DMPK: variants seen among roughly 807,000 people sequenced by gnomAD.
DMPK encodes myotonin-protein kinase.
Under a neutral mutation model 70.3 loss-of-function variants are expected in DMPK, and 32 were observed. That is an observed-to-expected ratio of 0.46 (90% confidence interval 0.34 to 0.61). The LOEUF (loss-of-function observed/expected upper bound fraction) is 0.61, where lower values mean the gene tolerates loss of function less well. Among genes scored for constraint, DMPK ranks in the 20% least tolerant of loss-of-function variants. The pLI is 0.01. For synonymous variants in DMPK, 469 were observed against 390.9 expected (o/e 1.20, Z -2.36); for missense variants, 899 against 886.0 (o/e 1.01, Z -0.19).
chr19:45,772,608 C>A, intron 10 of DMPK, 33 bp downstream of exon 10: 4 of 1,438,976 alleles, frequency 2.8e-6, no homozygotes, highest in Non-Finnish European at 3.8e-6. Context: ...TCCCAATTGT[C>A]CCTGACGGAC....
chr19:45,777,701 G>T lies in DMPK; in HGVS notation c.848C>A (p.Thr283Lys), dbSNP rs774774759. ...GACGATCTTGCCATAGGTCTCCGCC[G>T]TGGAATCCGCGTAGAAGGGCGTCTG... The part of the protein sequence containing the change: ...YGQTPFYADS[T>K]AETYGKIVHY... The change falls in exon 7 of 15, where the codon ACG becomes AAG. Residue 283 changes from threonine (T) to lysine (K), a missense_variant. Transcript: ENST00000291270. The surrounding 1 kb of genome is among the most constrained non-coding windows in gnomAD (Gnocchi z 6.7). 55 of 1,614,022 alleles carry T rather than the reference G, an allele frequency of 3.4e-5. No homozygotes were observed. Among genetic ancestry groups the T allele is most frequent in the Non-Finnish European group, 4.5e-5 (53 of 1,180,030 alleles).
At chr19:45,780,388 G>T in intron 1 of DMPK, 1 of 1,454,094 alleles carries the variant, frequency 6.9e-7, no homozygotes, top group Non-Finnish European at 9.2e-7. Flanking sequence ...GGGGCTGGGG[G>T]AAGGAACAGG....
Position 45,782,176 on chromosome 19 carries a change from C to A in DMPK, c.160+17G>T. 1 of 1,484,718 alleles carries A rather than the reference C, an allele frequency of 6.7e-7. No individual in the cohort carries two copies. The highest frequency in any genetic ancestry group is 9.0e-7 in the Non-Finnish European group (1 of 1,112,132). The allele number at this position is 1,484,718 out of a possible 1,614,324, so 92.0% of individuals were successfully genotyped here. A position where few individuals can be genotyped will look rare whatever the true frequency, so the allele number is the denominator to read the frequency against. On this transcript the variant is annotated intron_variant, in intron 1 of 14. Coordinates refer to ENST00000291270, the MANE Select transcript of DMPK (RefSeq NM_004409.5). ...ACCCCCACCCCATCTGCAGGAGCCC[C>A]GAGGGTAGGCACTCACCCCACTGCA... is the stretch of plus-strand genomic sequence containing the variant.
chr19:45,773,284 G>A (rs1306348369), intron 9 of DMPK, among the ~76,000 whole-genome samples: 3 of 152,200 alleles, frequency 2.0e-5, no homozygotes, highest in South Asian at 2.1e-4. Context: ...GTGGGAACAC[G>A]GCTCAGGACC....
Position 45,778,412 on chromosome 19 carries a change from C to G in DMPK, c.581+81G>C, listed in dbSNP as rs1377276842. 2.6e-6 allele frequency: 4 copies of G among 1,550,008 alleles called. No homozygotes were observed. In the Admixed American group the frequency reaches 7.0e-5, roughly 27 times the overall value. On this transcript the variant is annotated intron_variant, in intron 5 of 14. Coordinates refer to ENST00000291270, the MANE Select transcript of DMPK (RefSeq NM_004409.5). ...CCAACCAAGAAGGTCCCTCTCCAGGCCCTGGCCTCTCTGGGCTCTGACCTT... is the reference window on the plus strand; with the variant it reads ...CCAACCAAGAAGGTCCCTCTCCAGGGCCTGGCCTCTCTGGGCTCTGACCTT...
Position 45,780,110 on chromosome 19 carries a change from G to C in DMPK, c.161-241C>G, listed in dbSNP as rs928454948. ...TTGCGGGACAGGGCATTGGCCCAGA[G>C]GGCTCCAAGGGTGTGCAGGATGGTT... On this transcript the variant is annotated intron_variant, in intron 1 of 14. Transcript: ENST00000291270. 5.5e-6 allele frequency: 8 copies of C among 1,461,962 alleles called. No homozygotes were observed. In the Admixed American group the frequency reaches 2.0e-4, roughly 36 times the overall value. The allele number at this position is 1,461,962 out of a possible 1,614,324, so 90.6% of individuals were successfully genotyped here. A position where few individuals can be genotyped will look rare whatever the true frequency, so the allele number is the denominator to read the frequency against.
At position 45,777,966 on chromosome 19, in the gene DMPK, C is replaced by T; in HGVS notation, c.676-93G>A. On this transcript the variant is annotated intron_variant, in intron 6 of 14. Transcript: ENST00000291270. The surrounding 1 kb of genome is among the most constrained non-coding windows in gnomAD (Gnocchi z 6.7). ...TCCAACCACTCCCCAAATGCTTAGC[C>T]CCTCCCTCTGCCTGGTCTAATACTC... is the stretch of plus-strand genomic sequence containing the variant. 1.5e-6 allele frequency: 2 copies of T among 1,329,866 alleles called. No homozygotes were observed. The highest frequency in any genetic ancestry group is 2.1e-6 in the Non-Finnish European group (2 of 959,758). 82.4% of individuals were successfully genotyped at this position (1,329,866 alleles called of 1,614,324 possible).
In DMPK at chr19:45,771,570, GT is replaced by G. The variant is rs1969448304; in HGVS notation, c.1597del (p.Thr533GlnfsTer18). 6.2e-7 allele frequency: 1 copy of G among 1,614,008 alleles called. No homozygotes were observed. The highest frequency in any genetic ancestry group is 8.5e-7 in the Non-Finnish European group (1 of 1,179,968). ...AAGGGGACACATGAGGGACTCACCT[GT>G]GGCTCCCTCTGCCTGCAGCAACTCC... The part of the protein sequence containing the change: ...RMELLQAEGA[T>X]AVTGVPSPRA... On this transcript the variant is annotated frameshift_variant, in exon 12 of 15. Transcript: ENST00000291270. LOFTEE classifies it high-confidence loss of function.
In DMPK at chr19:45,770,388, G is replaced by C. The variant is rs1259652861; in HGVS notation, c.*100C>G. ...GGAGCTGGGCGGAGACCCACGCTCG[G>C]AGCGGTTGTGAACTGGCAGGCGGTG... On this transcript the variant is annotated 3_prime_UTR_variant, in exon 15 of 15. Transcript: ENST00000291270. The C allele has an allele frequency of 2.1e-6, 3 of 1,424,720 alleles. No homozygotes were observed. The highest frequency in any genetic ancestry group is 2.9e-6 in the Non-Finnish European group (3 of 1,035,606). 88.3% of individuals were successfully genotyped at this position (1,424,720 alleles called of 1,614,324 possible). A position where few individuals can be genotyped will look rare whatever the true frequency, so the allele number is the denominator to read the frequency against.
Position 45,779,530 on chromosome 19 carries a change from C to G in DMPK, c.253-8G>C. On this transcript the variant is annotated splice_polypyrimidine_tract_variant and splice_region_variant and intron_variant, in intron 2 of 14. Coordinates refer to ENST00000291270, the MANE Select transcript of DMPK (RefSeq NM_004409.5). ...CATCTTCACTACCGCTACCTGAGGT[C>G]GAGATAGTGAGACAGAGTGGAGACG... is the stretch of plus-strand genomic sequence containing the variant. 1 of 1,613,734 alleles carries G rather than the reference C, an allele frequency of 6.2e-7. No individual in the cohort carries two copies. Among genetic ancestry groups the G allele is most frequent in the Non-Finnish European group, 8.5e-7 (1 of 1,179,954 alleles).
At chr19:45,780,282 T>C (rs1568586247) in intron 1 of DMPK, 1 of 1,530,678 alleles carries the variant, frequency 6.5e-7, no homozygotes, top group Non-Finnish European at 8.8e-7. Flanking sequence ...TCATGTAGAA[T>C]GTCCTGGGTA....
chr19:45,770,338 G>A lies in DMPK; in HGVS notation c.*150C>T. On this transcript the variant is annotated 3_prime_UTR_variant, in exon 15 of 15. Coordinates refer to ENST00000291270, the MANE Select transcript of DMPK (RefSeq NM_004409.5). ...CCGGCCCCTCCCTCCCCGGCCGCTA[G>A]GGGGCGGGCCCGGATCACAGGACTG... 8.7e-7 allele frequency: 1 copy of A among 1,152,560 alleles called. No individual in the cohort carries two copies. Among genetic ancestry groups the A allele is most frequent in the Non-Finnish European group, 1.3e-6 (1 of 794,814 alleles). The allele number at this position is 1,152,560 out of a possible 1,614,324, so 71.4% of individuals were successfully genotyped here. A position where few individuals can be genotyped will look rare whatever the true frequency, so the allele number is the denominator to read the frequency against.
intron 13 of DMPK, 61 bp from the exon 14 acceptor site, chr19:45,771,121 G>A (rs902727249): frequency 1.5e-6 from 2 of 1,342,732 alleles, no homozygotes; most frequent in East Asian, 2.6e-5. Flanking sequence ...GCGGTGGGGC[G>A]AGAGACAGCG....
At chr19:45,778,898 T>C (rs1969943304) in intron 4 of DMPK, 1 of 556,808 alleles carries the variant, frequency 1.8e-6, no homozygotes, top group Non-Finnish European at 3.2e-6. Context: ...TGAGATGTTC[T>C]GGGAAAGAGA....
At chr19:45,773,576 A>G (rs762331478) in intron 9 of DMPK, among the ~76,000 whole-genome samples, 8 of 152,164 alleles carry the variant, frequency 5.3e-5, no homozygotes, top group Non-Finnish European at 8.8e-5. Context: ...CCATCTGGTG[A>G]GCTCACGAGA....
Position 45,777,198 on chromosome 19 carries a change from G to A in DMPK, c.1146+129C>T, listed in dbSNP as rs1418281803. 2 of 1,294,312 alleles carry A rather than the reference G, an allele frequency of 1.5e-6. No homozygotes were observed. Among genetic ancestry groups the A allele is most frequent in the Non-Finnish European group, 1.0e-6 (1 of 970,858 alleles). 80.2% of individuals were successfully genotyped at this position (1,294,312 alleles called of 1,614,324 possible). A position where few individuals can be genotyped will look rare whatever the true frequency, so the allele number is the denominator to read the frequency against. On this transcript the variant is annotated intron_variant, in intron 8 of 14. Transcript: ENST00000291270. The surrounding 1 kb of genome is among the most constrained non-coding windows in gnomAD (Gnocchi z 6.7). ...CACTGCTGGGTCCTCAGTAGTAGAT[G>A]GGCACAGAGCAGGTGCTCTGGGGAA...
At position 45,777,420 on chromosome 19, in the gene DMPK, C is replaced by G. The variant is rs970832223; in HGVS notation, c.1053G>C (p.Val351=). The stretch of plus-strand genomic sequence containing the variant: ...CTTCGAAATCCGGTGTAAAGGGGGG[C>G]ACGCTGTCCCGGAGACCATCCCAGT... ...GLDWDGLRDS[V]PPFTPDFEGA... Residue 351 remains valine, a synonymous_variant, in exon 8 of 15, where the codon GTG becomes GTC. Coordinates refer to ENST00000291270, the MANE Select transcript of DMPK (RefSeq NM_004409.5). This position sits in a 1 kb window ranked among gnomAD's most constrained non-coding sequence, Gnocchi z 6.7. The G allele has an allele frequency of 6.2e-7, 1 of 1,613,200 alleles. No homozygotes were observed. Among genetic ancestry groups the G allele is most frequent in the African/African-American group, 1.3e-5 (1 of 74,906 alleles).
chr19:45,773,806 C>A (rs537546070), intron 9 of DMPK, among the ~76,000 whole-genome samples: 2 of 151,548 alleles, frequency 1.3e-5, no homozygotes, highest in African/African-American at 4.9e-5. Flanking sequence ...ATGCCTGGCA[C>A]GATTTTTTCA....
intron 1 of DMPK, among the ~76,000 whole-genome samples, chr19:45,781,660 A>G (rs1387933221): frequency 1.3e-5 from 2 of 152,182 alleles, no homozygotes; most frequent in Non-Finnish European, 2.9e-5. Context: ...GTTCTCCCAC[A>G]GGGCCCGCGT....
Sources: allele counts gnomAD v4.1 joint callset (sites outside exome capture counted in the v4.1 genomes callset), GRCh38; gene constraint gnomAD v4.1.1; non-coding constraint Gnocchi (gnomAD v3.1); transcripts MANE v1.5; gene names NCBI Gene and HGNC (gene_info 2026-07-23, HGNC 2026-07-21).